LARGE1: variants seen among roughly 807,000 people sequenced by gnomAD.
LARGE1 encodes LARGE xylosyl- and glucuronyltransferase 1.
In LARGE1, 43 loss-of-function variants were observed where a neutral mutation model predicts 87.6. The ratio of observed to expected loss-of-function variants is 0.49; its 90% CI spans 0.38 to 0.63. LARGE1 has a LOEUF of 0.63. LARGE1 is among the 30% of genes least tolerant of loss of function. The pLI, the probability that LARGE1 is intolerant of heterozygous loss-of-function variation, is 0.00. For synonymous variants in LARGE1, 434 were observed against 394.6 expected (o/e 1.10, Z -1.18); for missense variants, 802 against 1,000.2 (o/e 0.80, Z 2.67).
chr22:33,597,410 C>T (rs1387390091), intron 5 of LARGE1, among the ~76,000 whole-genome samples: 1 of 150,084 alleles, frequency 6.7e-6, no homozygotes, highest in Non-Finnish European at 1.5e-5. Flanking sequence ...TCCCAGGAAA[C>T]AGATAGGGTA....
intron 12 of LARGE1, among the ~76,000 whole-genome samples, chr22:33,288,699 G>A (rs1395627964): frequency 1.3e-5 from 2 of 152,008 alleles, no homozygotes; most frequent in African/African-American, 4.8e-5. Flanking sequence ...TCCTAATTCC[G>A]ACCTGGTCCA....
chr22:33,097,802 C>CA, the LARGE1 span, among the ~76,000 whole-genome samples: 16 of 152,186 alleles, frequency 1.1e-4, no homozygotes, highest in African/African-American at 3.6e-4. Flanking sequence ...GGTATAATAT[C>CA]ACAGCTCTCT....
At position 33,283,306 on chromosome 22, in the gene LARGE1, T is replaced by G; in HGVS notation, c.1773A>C (p.Ala591=). The stretch of plus-strand genomic sequence containing the variant: ...GTGTCTCGAACGCGGGGACAATCAT[T>G]GCTTTCTTGGTGTTGGCAAGATCGA... ...IQLDLANTKK[A]MIVPAFETLR... Residue 591 remains alanine, a synonymous_variant, in exon 13 of 15, where the codon GCA becomes GCC. Transcript: ENST00000397394. The G allele has an allele frequency of 6.2e-7, 1 of 1,614,134 alleles. No individual in the cohort carries two copies. The highest frequency in any genetic ancestry group is 8.5e-7 in the Non-Finnish European group (1 of 1,180,024).
intron 11 of LARGE1, among the ~76,000 whole-genome samples, chr22:33,243,043 CCTCATCTAAA>C (rs1926592659): frequency 6.6e-6 from 1 of 152,228 alleles, no homozygotes; most frequent in African/African-American, 2.4e-5. Flanking sequence ...TCCAGGATGA[CCTCATCTAAA>C]CTCATCTAAT....
At chr22:33,884,409 AAGCAG>A (rs1381951199) in intron 1 of LARGE1, among the ~76,000 whole-genome samples, 1 of 152,134 alleles carries the variant, frequency 6.6e-6, no homozygotes, top group Non-Finnish European at 1.5e-5. Flanking sequence ...AGTGTGGGAG[AAGCAG>A]CCCACTTATC....
chr22:33,848,146 A>AT (rs564841136), intron 1 of LARGE1, among the ~76,000 whole-genome samples: 3 of 151,996 alleles, frequency 2.0e-5, no homozygotes, highest in Admixed American at 2.0e-4. Context: ...CAGGCAGCGT[A>AT]TTTTTTTTGA....
chr22:33,387,057 T>C (rs966785170), intron 7 of LARGE1, among the ~76,000 whole-genome samples: 3 of 147,598 alleles, frequency 2.0e-5, no homozygotes, highest in African/African-American at 7.4e-5. Flanking sequence ...TGAGCCGAGA[T>C]TGTGCCACTG....
At chr22:33,414,890 C>A (rs1010434047) in intron 7 of LARGE1, among the ~76,000 whole-genome samples, 1 of 152,232 alleles carries the variant, frequency 6.6e-6, no homozygotes, top group African/African-American at 2.4e-5. Context: ...CAGAAAGTGA[C>A]TCCTCAGCAG....
At chr22:33,595,988 G>A (rs986514783) in intron 5 of LARGE1, among the ~76,000 whole-genome samples, 21 of 152,116 alleles carry the variant, frequency 1.4e-4, no homozygotes, top group African/African-American at 3.1e-4. Flanking sequence ...TATGGAACAG[G>A]GTCCTTTGGG....
Position 33,247,722 on chromosome 22 carries a change from A to G in LARGE1, c.1730+56507T>C, listed in dbSNP as rs576465284. On this transcript the variant is annotated intron_variant, in intron 11 of 11. Coordinates refer to the LARGE1 transcript ENST00000608642. ...AATGTTCTTATAAGTATGAATGGGA[A>G]TCTTCCAATATTGATGGGATAAAGA... Among the ~76,000 whole-genome samples, 38 of 152,360 alleles carry G rather than the reference A, an allele frequency of 2.5e-4. No homozygotes were observed. The South Asian group carries it at 2.9e-3, about 12-fold the overall frequency.
chr22:33,169,367 T>C (rs1922438523), intron 11 of LARGE1, among the ~76,000 whole-genome samples: 1 of 152,152 alleles, frequency 6.6e-6, no homozygotes, highest in Non-Finnish European at 1.5e-5. Context: ...TTGTGCTTGA[T>C]GTGGGTTGCA....
chr22:33,506,931 A>G (rs993908620), intron 6 of LARGE1, among the ~76,000 whole-genome samples: 2 of 152,160 alleles, frequency 1.3e-5, no homozygotes, highest in Admixed American at 1.3e-4. Context: ...GAGAAGTATT[A>G]GAGACAACAA....
intron 7 of LARGE1, among the ~76,000 whole-genome samples, chr22:33,390,674 C>CA (rs1247313404): frequency 1.4e-5 from 2 of 147,448 alleles, no homozygotes; most frequent in Admixed American, 1.4e-4. Flanking sequence ...GGGACTCTGT[C>CA]TGCTTTTGTT....
intron 10 of LARGE1, among the ~76,000 whole-genome samples, chr22:33,335,469 C>G (rs993258548): frequency 6.6e-6 from 1 of 152,144 alleles, no homozygotes; most frequent in Non-Finnish European, 1.5e-5. Flanking sequence ...AAAGGCCAGG[C>G]GAGTACATGC....
At chr22:33,575,357 T>C (rs1467764308) in intron 5 of LARGE1, among the ~76,000 whole-genome samples, 1 of 152,176 alleles carries the variant, frequency 6.6e-6, no homozygotes, top group Non-Finnish European at 1.5e-5. Flanking sequence ...GAAGTGTTGA[T>C]GTAAGATCAG....
At chr22:33,691,596 C>T (rs2082102153) in intron 2 of LARGE1, among the ~76,000 whole-genome samples, 1 of 152,194 alleles carries the variant, frequency 6.6e-6, no homozygotes, top group Admixed American at 6.5e-5. Context: ...CACATCCATA[C>T]ATCTCTACGC....
chr22:33,920,999 C>T (rs1001853576), upstream of LARGE1, among the ~76,000 whole-genome samples: 2 of 149,998 alleles, frequency 1.3e-5, no homozygotes, highest in Admixed American at 6.6e-5. Flanking sequence ...CGCTCAGCAG[C>T]TGCAGTGACT....
intron 12 of LARGE1, among the ~76,000 whole-genome samples, chr22:33,296,569 C>CTTTTTTT (rs66851772): frequency 7.5e-6 from 1 of 133,936 alleles, no homozygotes; most frequent in Non-Finnish European, 1.6e-5. Flanking sequence ...TTTTTCTTTT[C>CTTTTTTT]TTTTTTTTTT....
intron 6 of LARGE1, among the ~76,000 whole-genome samples, chr22:33,525,258 G>T (rs1412269021): frequency 1.3e-5 from 2 of 152,116 alleles, no homozygotes; most frequent in Non-Finnish European, 2.9e-5. Context: ...GAGGCTCAAA[G>T]AAAATATGTC....
Sources: gnomAD v4.1 joint callset for allele counts (sites outside exome capture counted in the v4.1 genomes callset) on GRCh38, gnomAD v4.1.1 for gene constraint, MANE v1.5 for transcripts, NCBI Gene and HGNC (gene_info 2026-07-23, HGNC 2026-07-21) for gene names.